The following ANKRD6 variants were observed in gnomAD, a reference collection of about 807,000 sequenced individuals.
ANKRD6 encodes the protein ankyrin repeat domain-containing protein 6.
In ANKRD6, 56 loss-of-function variants were observed where a neutral mutation model predicts 82.3. That is an observed-to-expected ratio of 0.68 (90% CI 0.55 to 0.85). The LOEUF is 0.85. ANKRD6 is among the 40% of genes least tolerant of loss of function. The pLI is 0.00. For synonymous variants in ANKRD6, 347 were observed against 352.1 expected (o/e 0.99, Z 0.16); for missense variants, 852 against 907.6 (o/e 0.94, Z 0.79).
At chr6:89,558,439 A>G (rs1786919531) in intron 1 of ANKRD6, among the ~76,000 whole-genome samples, 2 of 152,214 alleles carry the variant, frequency 1.3e-5, no homozygotes, top group African/African-American at 4.8e-5. Context: ...GGAACCTTAA[A>G]TGCATATTAC....
At chr6:89,577,094 T>C (rs1791285845) in intron 2 of ANKRD6, among the ~76,000 whole-genome samples, 1 of 151,898 alleles carries the variant, frequency 6.6e-6, no homozygotes, top group Non-Finnish European at 1.5e-5. Context: ...CAGGTTCAAA[T>C]CGAAGTGCCC....
chr6:89,527,617 AAAAAAAAAAG>A (rs1172242969), intron 1 of ANKRD6, among the ~76,000 whole-genome samples: 3 of 151,200 alleles, frequency 2.0e-5, no homozygotes, highest in African/African-American at 7.3e-5. Flanking sequence ...AAAAAAAAAA[AAAAAAAAAAG>A]AAAAAGAAAA....
At chr6:89,604,633 A>G (rs1798071587) in intron 4 of ANKRD6, among the ~76,000 whole-genome samples, 1 of 152,174 alleles carries the variant, frequency 6.6e-6, no homozygotes, top group Admixed American at 6.5e-5. Context: ...CCAGCTCAAG[A>G]AGCAGCTCAT....
At chr6:89,479,475 T>A (rs1776499933) in intron 1 of ANKRD6, among the ~76,000 whole-genome samples, 1 of 152,186 alleles carries the variant, frequency 6.6e-6, no homozygotes, top group African/African-American at 2.4e-5. Context: ...CATCTTCTTT[T>A]ATTGGATAGC....
chr6:89,510,484 A>T (rs1780400890), intron 1 of ANKRD6, among the ~76,000 whole-genome samples: 1 of 152,068 alleles, frequency 6.6e-6, no homozygotes, highest in Non-Finnish European at 1.5e-5. Context: ...CTTGAGATGG[A>T]AAGTTCTGTT....
intron 2 of ANKRD6, among the ~76,000 whole-genome samples, chr6:89,570,451 G>T (rs1789587810): frequency 1.3e-5 from 2 of 152,074 alleles, no homozygotes; most frequent in Non-Finnish European, 2.9e-5. Flanking sequence ...TAGTTTAGTG[G>T]CATTAAATAC....
chr6:89,584,979 T>G (rs1793393362), intron 2 of ANKRD6, among the ~76,000 whole-genome samples: 1 of 152,074 alleles, frequency 6.6e-6, no homozygotes, highest in African/African-American at 2.4e-5. Context: ...TACCCTCATT[T>G]CCTCATCCAA....
chr6:89,511,482 A>G (rs1192257161), intron 1 of ANKRD6, among the ~76,000 whole-genome samples: 1 of 152,248 alleles, frequency 6.6e-6, no homozygotes, highest in Non-Finnish European at 1.5e-5. Flanking sequence ...GGTTAAAGGC[A>G]TAGTCTGTGG....
intron 1 of ANKRD6, among the ~76,000 whole-genome samples, chr6:89,546,146 G>T (rs1399561247): frequency 6.6e-6 from 1 of 152,130 alleles, no homozygotes; most frequent in Admixed American, 6.5e-5. Flanking sequence ...GAGATAGTAT[G>T]CTCAGTTTAC....
At chr6:89,444,619 G>T (rs1191769418) in intron 1 of ANKRD6, among the ~76,000 whole-genome samples, 1 of 152,084 alleles carries the variant, frequency 6.6e-6, no homozygotes, top group Non-Finnish European at 1.5e-5. Context: ...TTTCCTGTTG[G>T]GATATATCTA....
At chr6:89,546,420 C>G (rs779753072) in intron 1 of ANKRD6, among the ~76,000 whole-genome samples, 2 of 151,804 alleles carry the variant, frequency 1.3e-5, no homozygotes, top group Non-Finnish European at 2.9e-5. Flanking sequence ...GTGTGGTGGG[C>G]GGGGGGACAG....
intron 7 of ANKRD6, among the ~76,000 whole-genome samples, chr6:89,614,851 A>AT (rs1491568457): frequency 2.6e-4 from 37 of 143,050 alleles, no homozygotes; most frequent in African/African-American, 8.9e-4. Context: ...AAAAAAAAAA[A>AT]CAAAAAAAAA....
chr6:89,596,154 C>A (rs940485618), intron 3 of ANKRD6, 140 bp downstream of exon 3: 1 of 731,448 alleles, frequency 1.4e-6, no homozygotes, highest in Admixed American at 2.2e-5. Context: ...GTCTCTGTGG[C>A]AGCAAGAACT....
intron 1 of ANKRD6, among the ~76,000 whole-genome samples, chr6:89,448,758 C>T (rs1002274281): frequency 2.6e-5 from 4 of 152,200 alleles, no homozygotes; most frequent in African/African-American, 9.6e-5. Flanking sequence ...TGGCCGGGTG[C>T]GGTGGCTCAC....
Position 89,587,672 on chromosome 6 carries a change from C to T in ANKRD6, c.121-8244C>T, listed in dbSNP as rs148029279. ...TGTTGGCCCCCAGTGCAGGAATTACCCTCTGCCCCCATTACATTTTATCTT... is the reference window on the plus strand; with the variant it reads ...TGTTGGCCCCCAGTGCAGGAATTACTCTCTGCCCCCATTACATTTTATCTT... On this transcript the variant is annotated intron_variant, in intron 2 of 15. Transcript: ENST00000339746. Among the ~76,000 whole-genome samples the T allele has an allele frequency of 1.4e-3, 208 of 152,220 alleles. 1 individual carries two copies. The highest frequency in any genetic ancestry group is 4.9e-3 in the African/African-American group (204 of 41,536).
chr6:89,612,156 C>T (rs1319049224), intron 5 of ANKRD6, 116 bp from the exon 6 acceptor site: 7 of 867,306 alleles, frequency 8.1e-6, no homozygotes, highest in East Asian at 5.6e-5. Flanking sequence ...GGGCAAGAGG[C>T]AGAGAATGTG....
chr6:89,438,598 A>G (rs762157389), intron 1 of ANKRD6, among the ~76,000 whole-genome samples: 71 of 152,180 alleles, frequency 4.7e-4, no homozygotes, highest in Non-Finnish European at 7.3e-4. Context: ...ATAAGGTGCT[A>G]GTGTTTTAAC....
At chr6:89,495,730 A>G (rs568350554) in intron 1 of ANKRD6, among the ~76,000 whole-genome samples, 41 of 152,344 alleles carry the variant, frequency 2.7e-4, no homozygotes, top group African/African-American at 9.1e-4. Flanking sequence ...TAATTTAATT[A>G]TGTTACATTC....
At chr6:89,511,623 A>C (rs1426566136) in intron 1 of ANKRD6, among the ~76,000 whole-genome samples, 2 of 152,228 alleles carry the variant, frequency 1.3e-5, no homozygotes, top group South Asian at 2.1e-4. Flanking sequence ...AATATGAATA[A>C]ATTTGTAAGA....
Sources: gnomAD v4.1 joint callset for allele counts (sites outside exome capture counted in the v4.1 genomes callset) on GRCh38, gnomAD v4.1.1 for gene constraint, MANE v1.5 for transcripts, NCBI Gene and HGNC (gene_info 2026-07-23, HGNC 2026-07-21) for gene names.